The following TAFA5 variants were observed in gnomAD, a reference collection of about 807,000 sequenced individuals.
TAFA5 encodes the protein TAFA chemokine like family member 5.
A neutral mutation model predicts 15.3 loss-of-function variants in TAFA5; 6 were observed. That is an observed-to-expected ratio of 0.39 (90% CI 0.21 to 0.77). TAFA5 has a LOEUF of 0.77. Ranked by LOEUF, TAFA5 falls within the 30% of genes least tolerant of loss-of-function variation. TAFA5 has a pLI of 0.41. For missense variants in TAFA5, 161 were observed against 193.1 expected, an observed-to-expected ratio of 0.83 and a Z score of 0.98; for synonymous variants, 103 against 80.7, an observed-to-expected ratio of 1.28 and a Z score of -1.48.
At chr22:48,527,443 C>T (rs765843428) in intron 1 of TAFA5, among the ~76,000 whole-genome samples, 17 of 152,202 alleles carry the variant, frequency 1.1e-4, no homozygotes, top group Non-Finnish European at 2.1e-4. Flanking sequence ...GCAACGGGAC[C>T]GTGGACAGTG....
At chr22:48,727,844 GT>G (rs1382381429) in intron 3 of TAFA5, among the ~76,000 whole-genome samples, 1 of 152,150 alleles carries the variant, frequency 6.6e-6, no homozygotes, top group Non-Finnish European at 1.5e-5. Context: ...TTATTGACAC[GT>G]TTATGCCTTA....
chr22:48,690,044 T>TTGGTTGGGGGGC (rs374611805), intron 2 of TAFA5, among the ~76,000 whole-genome samples: 7,303 of 151,818 alleles, frequency 0.048, 539 homozygotes, highest in African/African-American at 0.16. Context: ...GGAGGTGGGC[T>TTGGTTGGGGGGC]TGGCTGGGGT....
rs116010467 is a variant in TAFA5, at chr22:48,519,183, C to T, written c.112+29479C>T. Among the ~76,000 whole-genome samples the T allele has an allele frequency of 8.2e-3, 1,250 of 152,336 alleles. 16 individuals carry two copies. Among genetic ancestry groups the T allele is most frequent in the African/African-American group, 0.029 (1,195 of 41,564 alleles). On this transcript the variant is annotated intron_variant, in intron 1 of 3. Coordinates refer to ENST00000402357, the MANE Select transcript of TAFA5 (RefSeq NM_001082967.3). Reference sequence around the variant, plus strand: ...CTGCTTGAAAGGTTATTTGCTTTCTCAGCCGATGCTTAGTGTACTGATACA... The same window carrying T: ...CTGCTTGAAAGGTTATTTGCTTTCTTAGCCGATGCTTAGTGTACTGATACA...
chr22:48,559,759 G>A (rs558418682), intron 1 of TAFA5, among the ~76,000 whole-genome samples: 4 of 152,310 alleles, frequency 2.6e-5, no homozygotes, highest in South Asian at 2.1e-4. Context: ...GAGGGGCGGC[G>A]GGGCCTGCCT....
At chr22:48,509,111 A>T (rs562006827) in intron 1 of TAFA5, among the ~76,000 whole-genome samples, 1 of 152,224 alleles carries the variant, frequency 6.6e-6, no homozygotes, top group South Asian at 2.1e-4. Flanking sequence ...TGCCCTCCGG[A>T]GTCATGCCTG....
intron 1 of TAFA5, among the ~76,000 whole-genome samples, chr22:48,586,090 G>C (rs1278490898): frequency 6.6e-6 from 1 of 152,224 alleles, no homozygotes; most frequent in Admixed American, 6.5e-5. Flanking sequence ...CCTGGCCCTC[G>C]CTGGCTGGGC....
At chr22:48,496,730 T>C (rs6008739) in intron 1 of TAFA5, among the ~76,000 whole-genome samples, 61,255 of 151,962 alleles carry the variant, frequency 0.4, 13,615 homozygotes, top group African/African-American at 0.59. Flanking sequence ...CAGGGAGAGT[T>C]GTGAAGGGCA....
chr22:48,574,200 C>T (rs1389644575), intron 1 of TAFA5, among the ~76,000 whole-genome samples: 2 of 152,226 alleles, frequency 1.3e-5, no homozygotes, highest in African/African-American at 4.8e-5. Flanking sequence ...TCCACAGCTG[C>T]TTAGTTGCTT....
intron 1 of TAFA5, among the ~76,000 whole-genome samples, chr22:48,507,317 G>T (rs1035448618): frequency 2.6e-5 from 4 of 151,588 alleles, no homozygotes; most frequent in Non-Finnish European, 4.4e-5. Flanking sequence ...GTGGCCGGCC[G>T]GTCAGGCTGG....
At chr22:48,676,493 C>CT (rs1927975334) in intron 2 of TAFA5, among the ~76,000 whole-genome samples, 1 of 152,256 alleles carries the variant, frequency 6.6e-6, no homozygotes, top group South Asian at 2.1e-4. Context: ...GCCATCACCA[C>CT]TGTGGGTGAT....
At chr22:48,724,475 T>A (rs1929659713) in intron 3 of TAFA5, among the ~76,000 whole-genome samples, 1 of 152,200 alleles carries the variant, frequency 6.6e-6, no homozygotes, top group Non-Finnish European at 1.5e-5. Flanking sequence ...CCCCTGCAAG[T>A]CCATAGAAGC....
intron 3 of TAFA5, among the ~76,000 whole-genome samples, chr22:48,718,845 C>T (rs1286419492): frequency 6.6e-6 from 1 of 152,182 alleles, no homozygotes; most frequent in Non-Finnish European, 1.5e-5. Flanking sequence ...ACCAGGCTTG[C>T]CCTGCAGAGA....
chr22:48,614,999 G>A (rs1330218386), intron 1 of TAFA5, among the ~76,000 whole-genome samples: 1 of 152,062 alleles, frequency 6.6e-6, no homozygotes, highest in East Asian at 1.9e-4. Flanking sequence ...GCTACCTGGG[G>A]GATTCATCCT....
chr22:48,746,934 C>T (rs1006184332), intron 3 of TAFA5, among the ~76,000 whole-genome samples: 2 of 152,198 alleles, frequency 1.3e-5, no homozygotes, highest in Non-Finnish European at 1.5e-5. Flanking sequence ...CCCCCATGTC[C>T]TCAGGAGGCT....
At chr22:48,707,100 T>G (rs1353166971) in intron 2 of TAFA5, among the ~76,000 whole-genome samples, 1 of 152,070 alleles carries the variant, frequency 6.6e-6, no homozygotes, top group Non-Finnish European at 1.5e-5. Flanking sequence ...CATCCTTTAA[T>G]CTTGGAGGCT....
At chr22:48,619,665 CG>C (rs1925735084) in intron 1 of TAFA5, among the ~76,000 whole-genome samples, 1 of 152,212 alleles carries the variant, frequency 6.6e-6, no homozygotes, top group Admixed American at 6.5e-5. Flanking sequence ...ATGGCAAAGA[CG>C]GGCTGGCCCC....
intron 3 of TAFA5, among the ~76,000 whole-genome samples, chr22:48,740,064 C>T (rs1165115958): frequency 6.6e-6 from 1 of 152,190 alleles, no homozygotes; most frequent in Non-Finnish European, 1.5e-5. Context: ...ACACTGCTGC[C>T]CATGCCCATC....
intron 1 of TAFA5, among the ~76,000 whole-genome samples, chr22:48,558,889 G>A (rs1193766803): frequency 6.6e-6 from 1 of 152,244 alleles, no homozygotes; most frequent in Non-Finnish European, 1.5e-5. Flanking sequence ...CAGCTGCCAG[G>A]GAGTGAGAGA....
intron 1 of TAFA5, among the ~76,000 whole-genome samples, chr22:48,590,798 G>A (rs1383229764): frequency 1.3e-5 from 2 of 151,926 alleles, no homozygotes; most frequent in African/African-American, 4.8e-5. Context: ...CAGTTACCTG[G>A]TATGTTATTA....
Sources: gnomAD v4.1 joint callset for allele counts (sites outside exome capture counted in the v4.1 genomes callset) on GRCh38, gnomAD v4.1.1 for gene constraint, MANE v1.5 for transcripts, NCBI Gene and HGNC (gene_info 2026-07-23, HGNC 2026-07-21) for gene names.